Variants in CMTM7 observed in about 807,000 individuals in gnomAD.
The protein encoded by CMTM7 is CKLF like MARVEL transmembrane domain containing 7, also known as CKLF-like MARVEL transmembrane domain-containing protein 7.
Under a neutral mutation model 19.3 loss-of-function variants are expected in CMTM7, and 7 were observed. That is an observed-to-expected ratio of 0.36 (90% confidence interval 0.21 to 0.68). The LOEUF is 0.68. Ranked by LOEUF, CMTM7 falls within the 30% of genes least tolerant of loss-of-function variation. The pLI is 0.60. For missense variants in CMTM7, 193 were observed against 232.6 expected (o/e 0.83, Z 1.11); for synonymous variants, 87 against 99.3 (o/e 0.88, Z 0.74).
chr3:32,429,805 T>TA (rs1675152299), intron 1 of CMTM7, among the ~76,000 whole-genome samples: 3 of 152,242 alleles, frequency 2.0e-5, no homozygotes, highest in African/African-American at 7.2e-5. Flanking sequence ...TTCACTGTGT[T>TA]AGTCAGGAAG....
intron 1 of CMTM7, among the ~76,000 whole-genome samples, chr3:32,430,457 G>A (rs1411758750): frequency 6.6e-6 from 1 of 152,056 alleles, no homozygotes; most frequent in Middle Eastern, 3.2e-3. Flanking sequence ...TTGAGAATTC[G>A]ATTCAACCCC....
chr3:32,416,634 A>T (rs9823298), intron 1 of CMTM7, among the ~76,000 whole-genome samples: 1 of 150,970 alleles, frequency 6.6e-6, no homozygotes, highest in Non-Finnish European at 1.5e-5. Context: ...TCATGATCCA[A>T]CCGCCTCGGC....
chr3:32,427,259 G>A (rs1330386745), intron 1 of CMTM7, among the ~76,000 whole-genome samples: 1 of 152,206 alleles, frequency 6.6e-6, no homozygotes, highest in Non-Finnish European at 1.5e-5. Context: ...TCTAAGGAGG[G>A]ACAAAGGTCT....
At chr3:32,429,851 G>A (rs1448007226) in intron 1 of CMTM7, among the ~76,000 whole-genome samples, 2 of 152,050 alleles carry the variant, frequency 1.3e-5, no homozygotes, top group Admixed American at 6.6e-5. Context: ...CACCCTCCTC[G>A]GCCTCCCAAA....
At position 32,398,411 on chromosome 3, in the gene CMTM7, C is replaced by T. The variant is rs999669291; in HGVS notation, c.159+6346C>T. ...TATTTGGCAAATATTTGTTGATCAC[C>T]TACTGTGATCAGCTAACTAGTAGGT... On this transcript the variant is annotated intron_variant, in intron 1 of 4. Transcript: ENST00000334983. Among the ~76,000 whole-genome samples the T allele has an allele frequency of 2.0e-5, 3 of 152,056 alleles. No homozygotes were observed. The East Asian group carries it at 5.8e-4, about 29-fold the overall frequency.
At chr3:32,431,300 G>A (rs1696514960) in intron 1 of CMTM7, among the ~76,000 whole-genome samples, 1 of 152,210 alleles carries the variant, frequency 6.6e-6, no homozygotes. Flanking sequence ...AGGGGAGGTG[G>A]TTATCTCTGA....
chr3:32,393,667 C>G (rs1695872971), intron 1 of CMTM7, among the ~76,000 whole-genome samples: 1 of 151,204 alleles, frequency 6.6e-6, no homozygotes, highest in African/African-American at 2.4e-5. Context: ...GCATGGGCCT[C>G]TAGTCCCAGT....
intron 1 of CMTM7, among the ~76,000 whole-genome samples, chr3:32,427,821 G>A (rs1696456277): frequency 6.6e-6 from 1 of 152,190 alleles, no homozygotes; most frequent in South Asian, 2.1e-4. Context: ...GGAGTTTGGG[G>A]CTATTCCTTG....
chr3:32,417,918 T>C (rs965688820), intron 1 of CMTM7, among the ~76,000 whole-genome samples: 2 of 152,130 alleles, frequency 1.3e-5, no homozygotes, highest in African/African-American at 4.8e-5. Context: ...ACCTTCTGGG[T>C]TCAAGCAATC....
At chr3:32,443,477 C>T (rs1398272491) in intron 2 of CMTM7, among the ~76,000 whole-genome samples, 1 of 152,092 alleles carries the variant, frequency 6.6e-6, no homozygotes. Flanking sequence ...CTTCAGTGGA[C>T]CTTTGGGTTG....
rs145202455 is a variant in CMTM7 at position 32,408,438 on chromosome 3, C to T, written c.159+16373C>T. ...TTAACTTTCGGAGAGGTGATGGCCA[C>T]GCTGTCTGCCTCTCAGAATGGCAAT... is the stretch of plus-strand genomic sequence containing the variant. On this transcript the variant is annotated intron_variant, in intron 1 of 4. Coordinates refer to ENST00000334983, the MANE Select transcript of CMTM7 (RefSeq NM_138410.4). 8.5e-5 allele frequency among the ~76,000 whole-genome samples: 13 copies of T among 152,334 alleles called. No homozygotes were observed. In the South Asian group the frequency reaches 2.1e-3, roughly 24 times the overall value.
chr3:32,453,434 C>T (rs541795140), intron 4 of CMTM7, among the ~76,000 whole-genome samples: 29 of 152,246 alleles, frequency 1.9e-4, no homozygotes, highest in African/African-American at 6.3e-4. Flanking sequence ...TGTTTTTTCT[C>T]CTACTTAGCC....
chr3:32,400,072 T>G (rs930337585), intron 1 of CMTM7, among the ~76,000 whole-genome samples: 1 of 152,162 alleles, frequency 6.6e-6, no homozygotes, highest in African/African-American at 2.4e-5. Context: ...CAGGTTGGAG[T>G]GCAGTGGTGC....
intron 1 of CMTM7, among the ~76,000 whole-genome samples, chr3:32,401,886 G>A (rs981925311): frequency 1.3e-5 from 2 of 152,182 alleles, no homozygotes; most frequent in Non-Finnish European, 2.9e-5. Context: ...GCTGGGACGC[G>A]GTCACTGCTC....
At position 32,391,869 on chromosome 3, in the gene CMTM7, G is replaced by C; in HGVS notation, c.-38G>C. The C allele has an allele frequency of 1.7e-6, 2 of 1,169,174 alleles. No homozygotes were observed. The highest frequency in any genetic ancestry group is 2.1e-6 in the Non-Finnish European group (2 of 943,872). The allele number at this position is 1,169,174 out of a possible 1,614,324, so 72.4% of individuals were successfully genotyped here. The stretch of plus-strand genomic sequence containing the variant: ...GCCCTCTGTATCTGGCCCCTGGGCA[G>C]CTGCCCGGGGAGGCGGCCAGCGAGC... On this transcript the variant is annotated 5_prime_UTR_variant, in exon 1 of 5. Transcript: ENST00000334983.
chr3:32,407,782 G>A (rs533475903), intron 1 of CMTM7, among the ~76,000 whole-genome samples: 43 of 152,254 alleles, frequency 2.8e-4, no homozygotes, highest in African/African-American at 9.4e-4. Flanking sequence ...GCGTGCTGAC[G>A]GGAAGTCTAC....
chr3:32,410,242 A>T lies in CMTM7; in HGVS notation c.159+18177A>T, dbSNP rs1696152025. On this transcript the variant is annotated intron_variant, in intron 1 of 4. Coordinates refer to ENST00000334983, the MANE Select transcript of CMTM7 (RefSeq NM_138410.4). The stretch of plus-strand genomic sequence containing the variant: ...CCTTTGTTCACTTAATTACCTGTTT[A>T]TGGTAGATCTTCTCTACCAAGACCT... 2.0e-5 allele frequency among the ~76,000 whole-genome samples: 3 copies of T among 152,184 alleles called. 1 individual carries two copies. In the South Asian group the frequency reaches 6.2e-4, roughly 32 times the overall value.
intron 1 of CMTM7, among the ~76,000 whole-genome samples, chr3:32,397,659 G>A (rs866604822): frequency 1.3e-5 from 2 of 152,022 alleles, no homozygotes; most frequent in African/African-American, 4.8e-5. Context: ...TCTTGAACCC[G>A]GGAGGCAGAG....
intron 1 of CMTM7, among the ~76,000 whole-genome samples, chr3:32,421,992 T>G (rs1233449934): frequency 6.6e-6 from 1 of 151,588 alleles, no homozygotes; most frequent in Non-Finnish European, 1.5e-5. Flanking sequence ...TAGCCCCTAC[T>G]GTCTGTGTTG....
Sources: gnomAD v4.1 joint callset for allele counts (sites outside exome capture counted in the v4.1 genomes callset) on GRCh38, gnomAD v4.1.1 for gene constraint, MANE v1.5 for transcripts, NCBI Gene and HGNC (gene_info 2026-07-23, HGNC 2026-07-21) for gene names.